RAP1GAP2: variants seen among roughly 807,000 people sequenced by gnomAD.
The protein encoded by RAP1GAP2 is RAP1 GTPase activating protein 2, also known as rap1 GTPase-activating protein 2.
In RAP1GAP2, 27 loss-of-function variants were observed where a neutral mutation model predicts 95.0. The observed-to-expected ratio is 0.28, with a 90% CI of 0.21 to 0.39. RAP1GAP2 has a LOEUF of 0.39. Ranked by LOEUF, RAP1GAP2 falls within the 10% of genes least tolerant of loss-of-function variation. The pLI is 1.00. For missense variants in RAP1GAP2, 771 were observed against 970.0 expected, an observed-to-expected ratio of 0.79 and a Z score of 2.72; for synonymous variants, 373 against 380.9, an observed-to-expected ratio of 0.98 and a Z score of 0.24.
chr17:2,774,762 T>C (rs1344873735), upstream of RAP1GAP2, among the ~76,000 whole-genome samples: 3 of 151,016 alleles, frequency 2.0e-5, no homozygotes, highest in African/African-American at 7.3e-5. Flanking sequence ...TGAGCTACCA[T>C]GCCCAGCCAG....
Position 2,903,842 on chromosome 17 carries a change from C to T in RAP1GAP2, c.81-1442C>T, listed in dbSNP as rs1287715304. Among the ~76,000 whole-genome samples the T allele has an allele frequency of 1.4e-4, 21 of 152,020 alleles. No homozygotes were observed. The highest frequency in any genetic ancestry group is 9.7e-4 in the East Asian group (5 of 5,158). The stretch of plus-strand genomic sequence containing the variant: ...AAGTGTTCTCAGCCTGGTCCTGCTC[C>T]GTGGGCTCAGGGAGCCAGGCAGGAT... On this transcript the variant is annotated intron_variant, in intron 2 of 24. Coordinates refer to ENST00000254695, the MANE Select transcript of RAP1GAP2 (RefSeq NM_015085.5). This position sits in a 1 kb window ranked among gnomAD's most constrained non-coding sequence, Gnocchi z 4.1.
At chr17:2,958,099 A>G (rs1597720698) in intron 4 of RAP1GAP2, among the ~76,000 whole-genome samples, 1 of 151,974 alleles carries the variant, frequency 6.6e-6, no homozygotes, top group Non-Finnish European at 1.5e-5. Flanking sequence ...TGTTCCTAGC[A>G]CGAGCTGGAA....
rs554271516 is a variant in RAP1GAP2, at chr17:2,883,319, C to T, written c.81-21965C>T. Among the ~76,000 whole-genome samples, 10 of 152,304 alleles carry T rather than the reference C, an allele frequency of 6.6e-5. No homozygotes were observed. The South Asian group carries it at 1.9e-3, about 28-fold the overall frequency. On this transcript the variant is annotated intron_variant, in intron 2 of 24. Transcript: ENST00000254695. ...GCAGGTCGGTGTCCCAGCCCAGGGA[C>T]GCTCCTCCATTCTTGGCATTTCTCT...
chr17:2,891,823 T>TTTTTTTTTTTTTTTTTTTTTTC (rs2073731533), intron 2 of RAP1GAP2, among the ~76,000 whole-genome samples: 2 of 114,522 alleles, frequency 1.7e-5, no homozygotes, highest in Non-Finnish European at 3.6e-5. Context: ...TCTTTTTTTT[T>TTTTTTTTTTTTTTTTTTTTTTC]TTTTTTTTTT....
At chr17:2,873,774 A>T (rs755016253) in intron 2 of RAP1GAP2, among the ~76,000 whole-genome samples, 15 of 151,752 alleles carry the variant, frequency 9.9e-5, no homozygotes, top group Non-Finnish European at 2.2e-4. Context: ...TTATTTATTT[A>T]TTTTTGAGAT....
intron 12 of RAP1GAP2, among the ~76,000 whole-genome samples, chr17:2,994,141 T>C (rs1347807585): frequency 6.6e-6 from 1 of 152,186 alleles, no homozygotes; most frequent in Non-Finnish European, 1.5e-5. Context: ...CTTTATTTTA[T>C]GGAGGCCTAG....
chr17:2,863,643 G>A (rs1302293532), intron 2 of RAP1GAP2, among the ~76,000 whole-genome samples: 1 of 152,196 alleles, frequency 6.6e-6, no homozygotes, highest in African/African-American at 2.4e-5. Context: ...AGGGCACTGT[G>A]ATGATACCTG....
At chr17:2,983,544 C>T (rs1233112814) in intron 10 of RAP1GAP2, among the ~76,000 whole-genome samples, 1 of 152,166 alleles carries the variant, frequency 6.6e-6, no homozygotes, top group African/African-American at 2.4e-5. Context: ...GTTAAAACTT[C>T]CAAACATAAC....
chr17:2,938,794 C>T (rs1382354233), intron 3 of RAP1GAP2, among the ~76,000 whole-genome samples: 1 of 152,002 alleles, frequency 6.6e-6, no homozygotes, highest in Non-Finnish European at 1.5e-5. Flanking sequence ...TGAGATCAGC[C>T]TGGCCAACGT....
At position 3,036,147 on chromosome 17, in the gene RAP1GAP2, C is replaced by A. The variant is rs758303326; in HGVS notation, c.*2786C>A. On this transcript the variant is annotated 3_prime_UTR_variant, in exon 25 of 25. Coordinates refer to ENST00000254695, the MANE Select transcript of RAP1GAP2 (RefSeq NM_015085.5). ...AATGAGAGTGTCTGTCTATGCCAATCATGTAAAATGACGTTTCTTGAAAAA... is the reference window on the plus strand; with the variant it reads ...AATGAGAGTGTCTGTCTATGCCAATAATGTAAAATGACGTTTCTTGAAAAA... 7 of 152,240 alleles carry A rather than the reference C, an allele frequency of 4.6e-5. No individual in the cohort carries two copies. Among genetic ancestry groups the A allele is most frequent in the Non-Finnish European group, 7.3e-5 (5 of 68,054 alleles). The allele number at this position is 152,240 out of a possible 1,614,324, so 9.4% of individuals were successfully genotyped here. A position where few individuals can be genotyped will look rare whatever the true frequency, so the allele number is the denominator to read the frequency against.
At chr17:2,907,757 C>A (rs2042245156) in intron 3 of RAP1GAP2, among the ~76,000 whole-genome samples, 1 of 152,032 alleles carries the variant, frequency 6.6e-6, no homozygotes, top group African/African-American at 2.4e-5. Context: ...ATTTGCGAGC[C>A]CCTTAGAAAT....
chr17:3,013,355 G>A lies in RAP1GAP2; in HGVS notation c.1495-4706G>A, dbSNP rs139598830. 1.3e-4 allele frequency among the ~76,000 whole-genome samples: 20 copies of A among 152,332 alleles called. No individual in the cohort carries two copies. In the East Asian group the frequency reaches 3.9e-3, roughly 29 times the overall value. On this transcript the variant is annotated intron_variant, in intron 17 of 24. Transcript: ENST00000254695. The stretch of plus-strand genomic sequence containing the variant: ...TGATGGGGAGTTGTGATGTCAGGAT[G>A]GCCCCGCTGTTTTGGGGGTCCACGA...
At chr17:2,927,921 A>G (rs1029495570) in intron 3 of RAP1GAP2, among the ~76,000 whole-genome samples, 2 of 152,144 alleles carry the variant, frequency 1.3e-5, no homozygotes, top group Non-Finnish European at 2.9e-5. Flanking sequence ...CCTTGCCCTG[A>G]TCCCACGACC....
intron 2 of RAP1GAP2, among the ~76,000 whole-genome samples, chr17:2,897,723 C>T (rs979485355): frequency 6.6e-6 from 1 of 152,134 alleles, no homozygotes; most frequent in South Asian, 2.1e-4. Context: ...AGTGGGGCCT[C>T]TTCCTTGGAG....
At chr17:3,011,479 C>T (rs1227402244) in intron 17 of RAP1GAP2, among the ~76,000 whole-genome samples, 3 of 152,100 alleles carry the variant, frequency 2.0e-5, no homozygotes, top group South Asian at 2.1e-4. Context: ...GCACCTTGGG[C>T]GGTGCTGCTG....
At chr17:2,773,483 T>C (rs1285421175), upstream of RAP1GAP2, among the ~76,000 whole-genome samples, 1 of 151,934 alleles carries the variant, frequency 6.6e-6, no homozygotes, top group Admixed American at 6.6e-5. Context: ...GCTAAGGAGG[T>C]TGGTGAGTGG....
At chr17:2,975,634 T>G (rs73296677) in intron 8 of RAP1GAP2, among the ~76,000 whole-genome samples, 3,046 of 152,330 alleles carry the variant, frequency 0.02, 119 homozygotes, top group African/African-American at 0.07. Flanking sequence ...GAGCAGGAAC[T>G]CACGTGTGTA....
chr17:2,989,000 C>T (rs956257744), intron 11 of RAP1GAP2, among the ~76,000 whole-genome samples: 6 of 151,424 alleles, frequency 4.0e-5, no homozygotes, highest in South Asian at 2.1e-4. Context: ...CAGAGGTTGC[C>T]GTGAGCCGAG....
intron 11 of RAP1GAP2, among the ~76,000 whole-genome samples, chr17:2,989,628 C>T (rs940220345): frequency 8.6e-5 from 13 of 151,898 alleles, no homozygotes; most frequent in African/African-American, 1.9e-4. Context: ...GCACCGCGCC[C>T]GGCCGTTTTC....
Sources: allele counts gnomAD v4.1 joint callset (sites outside exome capture counted in the v4.1 genomes callset), GRCh38; gene constraint gnomAD v4.1.1; non-coding constraint Gnocchi (gnomAD v3.1); transcripts MANE v1.5; gene names NCBI Gene and HGNC (gene_info 2026-07-23, HGNC 2026-07-21).